Variants in TPPP2 observed in about 807,000 individuals in gnomAD.
TPPP2 encodes the protein tubulin polymerization promoting protein family member 2.
TPPP2 carries 8 observed loss-of-function variants against 13.0 expected under a neutral mutation model. The observed-to-expected ratio is 0.62, with a 90% CI of 0.36 to 1.11. The LOEUF (loss-of-function observed/expected upper bound fraction) is 1.11, where lower values mean the gene tolerates loss of function less well. Among genes scored for constraint, TPPP2 ranks in the 50% most tolerant of loss-of-function variants. The pLI, the probability that TPPP2 is intolerant of heterozygous loss-of-function variation, is 0.02. For missense variants in TPPP2, 213 were observed against 216.9 expected (o/e 0.98, Z 0.11); for synonymous variants, 81 against 81.8 (o/e 0.99, Z 0.05).
At chr14:21,025,657 C>A (rs982572932), upstream of TPPP2, 6 of 984,538 alleles carry the variant, frequency 6.1e-6, no homozygotes, top group Non-Finnish European at 2.4e-6. This position sits in a 1 kb window ranked among gnomAD's most constrained non-coding sequence, Gnocchi z 5.1. Flanking sequence ...CCGACTCCCT[C>A]GTGCCCAGAG....
chr14:21,031,267 C>A, intron 3 of TPPP2, 102 bp downstream of exon 3: 2 of 1,434,014 alleles, frequency 1.4e-6, no homozygotes, highest in Non-Finnish European at 1.9e-6. Flanking sequence ...AGAGACAGGG[C>A]CGAAACAGAC....
At chr14:21,033,428 G>T, downstream of TPPP2, 1 of 294,220 alleles carries the variant, frequency 3.4e-6, no homozygotes, top group Non-Finnish European at 6.5e-6. Context: ...GGTGGGGATG[G>T]GGAGGTGAGA....
downstream of TPPP2, among the ~76,000 whole-genome samples, chr14:21,035,515 C>T (rs1310746547): frequency 6.6e-6 from 1 of 152,224 alleles, no homozygotes; most frequent in Admixed American, 6.5e-5. Context: ...GTCACTCAGC[C>T]TTGTTAGTCT....
Position 21,025,039 on chromosome 14 carries a change from C to G in TPPP2, n.236+695C>G, listed in dbSNP as rs1325618969. The G allele has an allele frequency of 1.0e-6, 1 of 985,960 alleles. No individual in the cohort carries two copies. The highest frequency in any genetic ancestry group is 1.7e-5 in the African/African-American group (1 of 57,258). The allele number at this position is 985,960 out of a possible 1,614,324, so 61.1% of individuals were successfully genotyped here. ...TGCCCCTCCCCCTACCTGCTGCCGC[C>G]GCGGCCGCTTCCACCTTCACTTGCC... On this transcript the variant is annotated intron_variant and non_coding_transcript_variant, in intron 1 of 1. Transcript: ENST00000533755. The surrounding 1 kb of genome is among the most constrained non-coding windows in gnomAD (Gnocchi z 5.1).
chr14:21,033,577 G>A (rs1243506150), downstream of TPPP2: 3 of 566,562 alleles, frequency 5.3e-6, no homozygotes, highest in East Asian at 8.9e-5. Context: ...CTGTCTCTGG[G>A]AGAGGAAGGA....
At chr14:21,028,145 C>T (rs1004958249), upstream of TPPP2, among the ~76,000 whole-genome samples, 8 of 152,186 alleles carry the variant, frequency 5.3e-5, no homozygotes, top group South Asian at 4.1e-4. Context: ...TATGCTCCTT[C>T]CACTCCCAAG....
At position 21,025,126 on chromosome 14, in the gene TPPP2, C is replaced by G; in HGVS notation, n.236+782C>G. 2.0e-6 allele frequency: 2 copies of G among 981,614 alleles called. No homozygotes were observed. Among genetic ancestry groups the G allele is most frequent in the Middle Eastern group, 5.2e-4 (1 of 1,908 alleles). 60.8% of individuals were successfully genotyped at this position (981,614 alleles called of 1,614,324 possible). ...GACCCGCCCCCGGCCCGCCCCAGCC[C>G]GCCCACGGGCGCTAGGCTCCCCGCA... On this transcript the variant is annotated intron_variant and non_coding_transcript_variant, in intron 1 of 1. Coordinates refer to the TPPP2 transcript ENST00000533755. This position sits in a 1 kb window ranked among gnomAD's most constrained non-coding sequence, Gnocchi z 5.1.
chr14:21,031,235 A>G (rs1472228070), intron 3 of TPPP2, 70 bp downstream of exon 3: 1 of 1,552,906 alleles, frequency 6.4e-7, no homozygotes, highest in Non-Finnish European at 8.7e-7. Context: ...ACCCTCCCTA[A>G]CCCTGCCAAC....
At chr14:21,031,432 G>A in intron 3 of TPPP2, 1 of 486,008 alleles carries the variant, frequency 2.1e-6, no homozygotes, top group Non-Finnish European at 3.6e-6. Context: ...GGTAGCTTTT[G>A]GAGGACATTA....
upstream of TPPP2, chr14:21,025,391 GACCTGGA>G (rs936650191): frequency 1.6e-5 from 16 of 985,430 alleles, no homozygotes; most frequent in African/African-American, 2.8e-4. This position sits in a 1 kb window ranked among gnomAD's most constrained non-coding sequence, Gnocchi z 5.1. Context: ...CCCCATCCAC[GACCTGGA>G]TCTGCAATTG....
At chr14:21,028,529 T>A (rs1416694121), upstream of TPPP2, 1 of 152,166 alleles carries the variant, frequency 6.6e-6, no homozygotes, top group African/African-American at 2.4e-5. Flanking sequence ...ATAATGTTGA[T>A]GAGAGGTGGG....
chr14:21,029,877 A>G (rs1314127858), upstream of TPPP2, among the ~76,000 whole-genome samples: 1 of 152,180 alleles, frequency 6.6e-6, no homozygotes, highest in African/African-American at 2.4e-5. Flanking sequence ...AGCTCTGAGA[A>G]ATAAATGTCT....
At chr14:21,025,585 G>A, upstream of TPPP2, 1 of 985,456 alleles carries the variant, frequency 1.0e-6, no homozygotes, top group Non-Finnish European at 1.2e-6. This position sits in a 1 kb window ranked among gnomAD's most constrained non-coding sequence, Gnocchi z 5.1. Flanking sequence ...CTCGCCGGCT[G>A]GCAGGGGCAG....
chr14:21,034,231 C>G (rs757109086), downstream of TPPP2: 4 of 1,614,044 alleles, frequency 2.5e-6, no homozygotes, highest in South Asian at 3.3e-5. Context: ...ATGTCCATGA[C>G]CAGAGTTGGC....
upstream of TPPP2, among the ~76,000 whole-genome samples, chr14:21,027,981 C>T (rs1276893268): frequency 6.6e-6 from 1 of 152,162 alleles, no homozygotes; most frequent in East Asian, 1.9e-4. Context: ...CATGTATTAT[C>T]CCCTAATACC....
At chr14:21,033,015 T>C (rs1293158287), downstream of TPPP2, 5 of 454,962 alleles carry the variant, frequency 1.1e-5, no homozygotes, top group Non-Finnish European at 2.2e-5. Context: ...GGGCAGACTC[T>C]GGAGTCTGGG....
At chr14:21,031,245 C>T (rs1412965152) in intron 3 of TPPP2, 80 bp downstream of exon 3, 2 of 1,532,166 alleles carry the variant, frequency 1.3e-6, no homozygotes, top group East Asian at 4.5e-5. Flanking sequence ...ACCCTGCCAA[C>T]TGTGTGACTG....
In TPPP2 at chr14:21,031,919, CG is replaced by C. The variant is rs1566487895; in HGVS notation, c.356del (p.Arg119LeufsTer2). On this transcript the variant is annotated frameshift_variant, in exon 4 of 4. Coordinates refer to ENST00000321760, the MANE Select transcript of TPPP2 (RefSeq NM_173846.5). LOFTEE classifies it high-confidence loss of function. ...AGCAACAACAGTGGGTGCAGTGGACCGTTTGACAGACACCAGCAAGTACACC... is the reference window on the plus strand; with the variant it reads ...AGCAACAACAGTGGGTGCAGTGGACCTTTGACAGACACCAGCAAGTACACC... ...TKATTVGAVD[R>X]LTDTSKYTGT... The C allele has an allele frequency of 6.2e-7, 1 of 1,614,062 alleles. No homozygotes were observed. The highest frequency in any genetic ancestry group is 8.5e-7 in the Non-Finnish European group (1 of 1,179,986).
chr14:21,024,916 C>G (rs1348453997), intron 1 of TPPP2: 1 of 985,612 alleles, frequency 1.0e-6, no homozygotes, highest in Non-Finnish European at 1.2e-6. Context: ...CCGCTCCGTG[C>G]TGGCCCTTTC....
Sources: gnomAD v4.1 joint callset for allele counts (sites outside exome capture counted in the v4.1 genomes callset) on GRCh38, gnomAD v4.1.1 for gene constraint, Gnocchi (gnomAD v3.1) non-coding constraint, MANE v1.5 for transcripts, NCBI Gene and HGNC (gene_info 2026-07-23, HGNC 2026-07-21) for gene names.